Variants in GALNTL6 observed in about 807,000 individuals in gnomAD.
GALNTL6 encodes polypeptide N-acetylgalactosaminyltransferase-like 6.
GALNTL6 carries 46 observed loss-of-function variants against 73.7 expected under a neutral mutation model. The observed-to-expected ratio is 0.62, with a 90% CI of 0.49 to 0.80. The LOEUF (loss-of-function observed/expected upper bound fraction) is 0.80. Among genes scored for constraint, GALNTL6 ranks in the 30% least tolerant of loss-of-function variants. The pLI is 0.00. For synonymous variants in GALNTL6, 259 were observed against 263.7 expected (o/e 0.98, Z 0.17); for missense variants, 604 against 755.0 (o/e 0.80, Z 2.34).
At chr4:172,012,638 G>A (rs1741052290) in intron 2 of GALNTL6, among the ~76,000 whole-genome samples, 1 of 152,026 alleles carries the variant, frequency 6.6e-6, no homozygotes, top group South Asian at 2.1e-4. Flanking sequence ...ACCCTCTGAT[G>A]CTGCTCTTCT....
intron 7 of GALNTL6, among the ~76,000 whole-genome samples, chr4:172,871,680 C>CA (rs1463828875): frequency 6.6e-6 from 1 of 151,174 alleles, no homozygotes; most frequent in East Asian, 1.9e-4. Flanking sequence ...AAATAACACT[C>CA]AAAATTGTCC....
intron 2 of GALNTL6, among the ~76,000 whole-genome samples, chr4:171,980,454 C>G (rs1013984915): frequency 1.3e-5 from 2 of 151,948 alleles, no homozygotes; most frequent in African/African-American, 2.4e-5. Flanking sequence ...ATGAAGCAAC[C>G]CAAAATTGAT....
At chr4:173,020,560 T>C (rs1752951143) in intron 11 of GALNTL6, among the ~76,000 whole-genome samples, 1 of 152,232 alleles carries the variant, frequency 6.6e-6, no homozygotes, top group Non-Finnish European at 1.5e-5. Flanking sequence ...ACTTTCTACA[T>C]TGCCCTGCAG....
chr4:172,364,114 C>A (rs760068086), intron 5 of GALNTL6, among the ~76,000 whole-genome samples: 41 of 152,036 alleles, frequency 2.7e-4, no homozygotes, highest in Non-Finnish European at 5.3e-4. Context: ...ATAAAGCAGA[C>A]CTTGATAGAT....
At chr4:172,000,383 CAT>C (rs1214737823) in intron 2 of GALNTL6, among the ~76,000 whole-genome samples, 2 of 152,124 alleles carry the variant, frequency 1.3e-5, no homozygotes, top group Non-Finnish European at 2.9e-5. Flanking sequence ...GACTGCAGAA[CAT>C]ATCTCAGAAT....
At chr4:172,552,411 A>AT (rs1735987315) in intron 5 of GALNTL6, among the ~76,000 whole-genome samples, 1 of 152,020 alleles carries the variant, frequency 6.6e-6, no homozygotes, top group African/African-American at 2.4e-5. Flanking sequence ...GCAAATATAT[A>AT]TTTTTTCTGC....
At chr4:172,367,289 T>C (rs1742601565) in intron 5 of GALNTL6, among the ~76,000 whole-genome samples, 1 of 152,202 alleles carries the variant, frequency 6.6e-6, no homozygotes, top group African/African-American at 2.4e-5. Flanking sequence ...ATGAAAAAGG[T>C]TGCTTATGAG....
intron 2 of GALNTL6, among the ~76,000 whole-genome samples, chr4:172,205,783 A>G (rs1246787154): frequency 6.6e-6 from 1 of 152,218 alleles, no homozygotes; most frequent in African/African-American, 2.4e-5. Context: ...AGGCAATTTT[A>G]TCAGAAAAGT....
chr4:172,602,577 T>G (rs978331118), intron 5 of GALNTL6, among the ~76,000 whole-genome samples: 3 of 152,072 alleles, frequency 2.0e-5, no homozygotes, highest in Non-Finnish European at 2.9e-5. Flanking sequence ...TAAAATGGAA[T>G]ATGAAAATGC....
chr4:172,983,028 G>A (rs1474763895), intron 10 of GALNTL6, among the ~76,000 whole-genome samples: 3 of 152,036 alleles, frequency 2.0e-5, no homozygotes, highest in Admixed American at 1.3e-4. Flanking sequence ...TTAGTTAATG[G>A]GTATAATGTA....
In GALNTL6 at chr4:172,193,184, A is replaced by G. The variant is rs553984065; in HGVS notation, c.139-36472A>G. On this transcript the variant is annotated intron_variant, in intron 2 of 12. Coordinates refer to ENST00000506823, the MANE Select transcript of GALNTL6 (RefSeq NM_001034845.3). Reference sequence around the variant, plus strand: ...CAATGGGCAGCCAGAGTGCTTCATTAAGTGAGTCCCTGATCCCTTGCCTCC... The same window carrying G: ...CAATGGGCAGCCAGAGTGCTTCATTGAGTGAGTCCCTGATCCCTTGCCTCC... Among the ~76,000 whole-genome samples, 10 of 152,282 alleles carry G rather than the reference A, an allele frequency of 6.6e-5. No homozygotes were observed. The East Asian group carries it at 1.6e-3, about 24-fold the overall frequency.
chr4:172,278,054 TAATTA>T (rs1273214886), intron 3 of GALNTL6, among the ~76,000 whole-genome samples: 1 of 152,224 alleles, frequency 6.6e-6, no homozygotes, highest in Non-Finnish European at 1.5e-5. Context: ...ATTTTAAAAA[TAATTA>T]GTGAGTACTT....
chr4:172,993,641 G>C (rs972253913), intron 10 of GALNTL6, among the ~76,000 whole-genome samples: 6 of 152,234 alleles, frequency 3.9e-5, no homozygotes, highest in Admixed American at 3.9e-4. Context: ...ATTAGAACTA[G>C]AACTAGACTA....
intron 12 of GALNTL6, 51 bp from the exon 13 acceptor site, chr4:173,039,882 C>T: frequency 7.1e-7 from 1 of 1,417,820 alleles, no homozygotes. Flanking sequence ...TGGGTTGTAA[C>T]CATTCACCAC....
chr4:171,942,436 TTTCCA>T (rs1738579613), intron 2 of GALNTL6, among the ~76,000 whole-genome samples: 1 of 152,112 alleles, frequency 6.6e-6, no homozygotes, highest in East Asian at 1.9e-4. Context: ...CAAAAAGCAC[TTTCCA>T]TGATAGGTCT....
At chr4:172,788,179 CT>C (rs1263507576) in intron 5 of GALNTL6, among the ~76,000 whole-genome samples, 1 of 123,148 alleles carries the variant, frequency 8.1e-6, no homozygotes, top group Non-Finnish European at 1.8e-5. Flanking sequence ...GACCCTGTCT[CT>C]ACAAAAAAAC....
intron 3 of GALNTL6, among the ~76,000 whole-genome samples, chr4:172,252,637 T>G (rs1323121213): frequency 1.3e-5 from 2 of 152,094 alleles, no homozygotes; most frequent in Admixed American, 6.6e-5. Context: ...GATGATAATA[T>G]TAAGAGTTTA....
intron 2 of GALNTL6, among the ~76,000 whole-genome samples, chr4:172,100,653 C>A (rs1283956717): frequency 6.6e-6 from 1 of 152,062 alleles, no homozygotes; most frequent in Non-Finnish European, 1.5e-5. Flanking sequence ...ATTTACATAA[C>A]TGAAACTCTC....
intron 2 of GALNTL6, among the ~76,000 whole-genome samples, chr4:171,899,299 T>C (rs2110939983): frequency 6.6e-6 from 1 of 152,194 alleles, no homozygotes; most frequent in South Asian, 2.1e-4. Context: ...AAATATATTT[T>C]TATTCTCATT....
Sources: allele counts gnomAD v4.1 joint callset (sites outside exome capture counted in the v4.1 genomes callset), GRCh38; gene constraint gnomAD v4.1.1; transcripts MANE v1.5; gene names NCBI Gene and HGNC (gene_info 2026-07-23, HGNC 2026-07-21).